Variants in PAFAH1B1 observed in about 807,000 individuals in gnomAD.
PAFAH1B1 encodes the protein platelet activating factor acetylhydrolase 1b regulatory subunit 1.
A neutral mutation model predicts 57.5 loss-of-function variants in PAFAH1B1; 2 were observed. The ratio of observed to expected loss-of-function variants is 0.03; its 90% confidence interval spans 0.01 to 0.11. The LOEUF (loss-of-function observed/expected upper bound fraction) is 0.11. PAFAH1B1 is among the 10% of genes least tolerant of loss of function. The probability of loss-of-function intolerance (pLI) is 1.00; values close to 1 mark genes in which losing one functional copy is unlikely to be tolerated. For synonymous variants in PAFAH1B1, 152 were observed against 169.6 expected, an observed-to-expected ratio of 0.90 and a Z score of 0.81; for missense variants, 257 against 512.0, an observed-to-expected ratio of 0.50 and a Z score of 4.81.
At chr17:2,670,357 A>G (rs530135608) in intron 6 of PAFAH1B1, 26 bp downstream of exon 6, 4 of 1,589,266 alleles carry the variant, frequency 2.5e-6, no homozygotes, top group East Asian at 2.2e-5. Context: ...TAGTGCTTTA[A>G]CAGTAATTTC....
At chr17:2,625,959 C>A (rs777764843) in intron 1 of PAFAH1B1, among the ~76,000 whole-genome samples, 1 of 151,700 alleles carries the variant, frequency 6.6e-6, no homozygotes, top group Non-Finnish European at 1.5e-5. Context: ...AACAGAAAAA[C>A]GTTAATAAAA....
At chr17:2,637,740 A>G (rs1433573383) in intron 1 of PAFAH1B1, among the ~76,000 whole-genome samples, 1 of 152,192 alleles carries the variant, frequency 6.6e-6, no homozygotes, top group East Asian at 1.9e-4. Flanking sequence ...TTTACCTTTT[A>G]TACCTTTTTT....
intron 1 of PAFAH1B1, among the ~76,000 whole-genome samples, chr17:2,631,350 A>T (rs916839063): frequency 2.0e-5 from 3 of 152,172 alleles, no homozygotes; most frequent in African/African-American, 7.2e-5. Flanking sequence ...TGAAGTCTGC[A>T]TGCCGGATTC....
chr17:2,655,693 G>C (rs1398043920), intron 2 of PAFAH1B1, among the ~76,000 whole-genome samples: 1 of 151,918 alleles, frequency 6.6e-6, no homozygotes, highest in African/African-American at 2.4e-5. Flanking sequence ...TTTTGTAGTT[G>C]CTACGTGTGA....
At chr17:2,611,191 C>G (rs981653623) in intron 1 of PAFAH1B1, among the ~76,000 whole-genome samples, 5 of 152,002 alleles carry the variant, frequency 3.3e-5, no homozygotes, top group Admixed American at 2.0e-4. Context: ...AGAAAAGGGC[C>G]AGGCGCGGTG....
In PAFAH1B1 at chr17:2,636,283, A is replaced by G. The variant is rs111686708; in HGVS notation, c.-190-1816A>G. Among the ~76,000 whole-genome samples, 91 of 152,262 alleles carry G rather than the reference A, an allele frequency of 6.0e-4. 2 individuals carry two copies. The highest frequency in any genetic ancestry group is 2.0e-3 in the African/African-American group (85 of 41,540). Reference sequence around the variant, plus strand: ...GGAGTGATAGTGATGGCTTTCAGCTATCATTTGTAGTTAGCTGGGCTCCAG... The same window carrying G: ...GGAGTGATAGTGATGGCTTTCAGCTGTCATTTGTAGTTAGCTGGGCTCCAG... On this transcript the variant is annotated intron_variant, in intron 1 of 10. Coordinates refer to ENST00000397195, the MANE Select transcript of PAFAH1B1 (RefSeq NM_000430.4).
chr17:2,669,495 G>A (rs1308617079), intron 5 of PAFAH1B1, among the ~76,000 whole-genome samples: 1 of 152,080 alleles, frequency 6.6e-6, no homozygotes, highest in African/African-American at 2.4e-5. Flanking sequence ...AACTGACCTC[G>A]TGGTCCGCCC....
intron 2 of PAFAH1B1, among the ~76,000 whole-genome samples, chr17:2,663,699 G>A (rs989554540): frequency 4.5e-5 from 3 of 67,294 alleles, no homozygotes; most frequent in African/African-American, 1.6e-4. Flanking sequence ...AAAATTCTCT[G>A]GATTTTTTTT....
At chr17:2,671,617 T>TC (rs2069184810) in intron 6 of PAFAH1B1, among the ~76,000 whole-genome samples, 1 of 143,174 alleles carries the variant, frequency 7.0e-6, no homozygotes, top group Non-Finnish European at 1.5e-5. Context: ...TTTTTTTTTT[T>TC]CTGGAGATGG....
intron 2 of PAFAH1B1, among the ~76,000 whole-genome samples, chr17:2,660,868 A>G (rs958398174): frequency 6.6e-6 from 1 of 152,176 alleles, no homozygotes; most frequent in East Asian, 1.9e-4. Flanking sequence ...ATTCCCACCA[A>G]TCGTGTAAAA....
rs1283758090 is a variant in PAFAH1B1 at position 2,684,619 on chromosome 17, G to A, written c.*2817G>A. On this transcript the variant is annotated 3_prime_UTR_variant, in exon 11 of 11. Coordinates refer to ENST00000397195, the MANE Select transcript of PAFAH1B1 (RefSeq NM_000430.4). ...TGCGCTCTTGAGAGTGCATGCCATG[G>A]AGACTGGTTTAGACACCGCGTGGAG... The A allele has an allele frequency of 6.6e-6, 1 of 152,648 alleles. No homozygotes were observed. The highest frequency in any genetic ancestry group is 2.4e-5 in the African/African-American group (1 of 41,448). The allele number at this position is 152,648 out of a possible 1,614,324, so 9.5% of individuals were successfully genotyped here.
At chr17:2,677,682 G>A (rs367942326) in intron 9 of PAFAH1B1, among the ~76,000 whole-genome samples, 16 of 151,880 alleles carry the variant, frequency 1.1e-4, no homozygotes, top group Admixed American at 8.5e-4. Context: ...GTGAAACCCC[G>A]TCTCTACTAA....
At chr17:2,623,538 G>C (rs190412631) in intron 1 of PAFAH1B1, among the ~76,000 whole-genome samples, 1 of 151,626 alleles carries the variant, frequency 6.6e-6, no homozygotes, top group East Asian at 1.9e-4. Context: ...GATTACAGGC[G>C]TGAGCCACTG....
intron 1 of PAFAH1B1, among the ~76,000 whole-genome samples, chr17:2,612,235 G>C (rs1216890272): frequency 6.8e-6 from 1 of 146,574 alleles, no homozygotes; most frequent in Non-Finnish European, 1.5e-5. Context: ...TTGAGACTGA[G>C]TCTCATCGCC....
At position 2,593,927 on chromosome 17, in the gene PAFAH1B1, C is replaced by T. The variant is rs1004510841; in HGVS notation, c.-270C>T. 5.6e-5 allele frequency: 22 copies of T among 391,690 alleles called. No homozygotes were observed. Among genetic ancestry groups the T allele is most frequent in the African/African-American group, 3.8e-4 (18 of 47,660 alleles). The allele number at this position is 391,690 out of a possible 1,614,324, so 24.3% of individuals were successfully genotyped here. A position where few individuals can be genotyped will look rare whatever the true frequency, so the allele number is the denominator to read the frequency against. ...CCCTCCCTCCCTCCTTCCTCCCTCC[C>T]CTCTCCCTCCCCCTCCCCCGCCGGT... On this transcript the variant is annotated 5_prime_UTR_variant, in exon 1 of 11. Coordinates refer to ENST00000397195, the MANE Select transcript of PAFAH1B1 (RefSeq NM_000430.4).
chr17:2,674,115 A>G lies in PAFAH1B1; in HGVS notation c.727A>G (p.Asn243Asp). ...AGAATGGGTACGTATGGTACGGCCA[A>G]ATCAAGATGGCACTCTGATAGCCAG... ...HREWVRMVRP[N>D]QDGTLIASCS... The change falls in exon 8 of 11, where the codon AAT becomes GAT. Residue 243 changes from asparagine to aspartate, a missense_variant. By Grantham distance (23) the Asn-to-Asp change is conservative. Coordinates refer to ENST00000397195, the MANE Select transcript of PAFAH1B1 (RefSeq NM_000430.4). 1.2e-6 allele frequency: 2 copies of G among 1,614,120 alleles called. No homozygotes were observed. The highest frequency in any genetic ancestry group is 1.7e-6 in the Non-Finnish European group (2 of 1,180,026).
chr17:2,670,455 C>G (rs2069166376), intron 6 of PAFAH1B1, 124 bp downstream of exon 6: 2 of 951,998 alleles, frequency 2.1e-6, no homozygotes, highest in Non-Finnish European at 3.4e-6. Context: ...GGTGGAAGAG[C>G]ATACCATGTA....
Position 2,683,350 on chromosome 17 carries a change from A to G in PAFAH1B1, c.*1548A>G, listed in dbSNP as rs1236266881. ...AGTTATTTGAAAAGTTAACAGAACA[A>G]TGAGATAACAGTGACAGTTTAACAA... On this transcript the variant is annotated 3_prime_UTR_variant, in exon 11 of 11. Transcript: ENST00000397195. The G allele has an allele frequency of 6.6e-6, 1 of 152,214 alleles. No individual in the cohort carries two copies. Among genetic ancestry groups the G allele is most frequent in the East Asian group, 1.9e-4 (1 of 5,202 alleles). The allele number at this position is 152,214 out of a possible 1,614,324, so 9.4% of individuals were successfully genotyped here.
chr17:2,673,378 G>A (rs1232545016), intron 7 of PAFAH1B1, among the ~76,000 whole-genome samples: 3 of 152,028 alleles, frequency 2.0e-5, no homozygotes, highest in African/African-American at 4.8e-5. Flanking sequence ...GGTGGCTCAC[G>A]CCTGTAATCC....
Sources: gnomAD v4.1 joint callset for allele counts (sites outside exome capture counted in the v4.1 genomes callset) on GRCh38, gnomAD v4.1.1 for gene constraint, MANE v1.5 for transcripts, NCBI Gene and HGNC (gene_info 2026-07-23, HGNC 2026-07-21) for gene names.